Variants in PMM2 observed in about 807,000 individuals in gnomAD.
PMM2 encodes the protein mannose-6-phosphate isomerase.
A neutral mutation model predicts 33.2 loss-of-function variants in PMM2; 35 were observed. The ratio of observed to expected loss-of-function variants is 1.06; its 90% CI spans 0.81 to 1.40. The LOEUF is 1.40. Ranked by LOEUF, PMM2 falls within the 40% of genes most tolerant of loss-of-function variation. The pLI is 0.00. For missense variants in PMM2, 386 were observed against 306.0 expected (o/e 1.26, Z -1.95); for synonymous variants, 153 against 114.7 (o/e 1.33, Z -2.13).
At chr16:8,818,274 C>T (rs985726955) in intron 7 of PMM2, among the ~76,000 whole-genome samples, 6 of 152,314 alleles carry the variant, frequency 3.9e-5, no homozygotes, top group East Asian at 1.9e-4. Context: ...TGCAGAGGCA[C>T]GTTGGGTGGT....
At chr16:8,844,574 G>A (rs867700327) in intron 7 of PMM2, among the ~76,000 whole-genome samples, 11 of 152,174 alleles carry the variant, frequency 7.2e-5, no homozygotes, top group Admixed American at 1.3e-4. Flanking sequence ...TCAGAAAAGC[G>A]GGACTTGCCG....
chr16:8,832,282 T>A (rs1326412239), intron 7 of PMM2: 2 of 985,408 alleles, frequency 2.0e-6, no homozygotes, highest in Middle Eastern at 5.2e-4. Context: ...CTGCGAGCCG[T>A]GCGGCTCTCT....
At chr16:8,842,362 A>G (rs548689580) in intron 7 of PMM2, 4 of 152,382 alleles carry the variant, frequency 2.6e-5, no homozygotes, top group Admixed American at 2.6e-4. Flanking sequence ...GAAGAAGGTC[A>G]TCAATATATT....
chr16:8,816,533 G>A (rs1424849180), intron 7 of PMM2, among the ~76,000 whole-genome samples: 2 of 151,600 alleles, frequency 1.3e-5, no homozygotes, highest in Non-Finnish European at 2.9e-5. Flanking sequence ...CTGAGGTCAG[G>A]AGTTCCGAGA....
intron 7 of PMM2, 139 bp downstream of exon 7, chr16:8,813,245 A>T (rs2060688036): frequency 2.8e-6 from 2 of 723,480 alleles, no homozygotes; most frequent in Non-Finnish European, 5.1e-6. Flanking sequence ...TGTCCTGGAG[A>T]GGTGGGTGAT....
At chr16:8,829,900 C>T (rs1028951830) in intron 7 of PMM2, among the ~76,000 whole-genome samples, 1 of 152,204 alleles carries the variant, frequency 6.6e-6, no homozygotes, top group Non-Finnish European at 1.5e-5. Flanking sequence ...AAGAGTATTC[C>T]TCCAAACAAG....
At chr16:8,812,021 C>T (rs753550888) in intron 6 of PMM2, among the ~76,000 whole-genome samples, 1 of 152,228 alleles carries the variant, frequency 6.6e-6, no homozygotes, top group Non-Finnish European at 1.5e-5. Flanking sequence ...AGAGTAGGAA[C>T]TTCTCACACC....
At chr16:8,836,720 G>A (rs2060850622) in intron 7 of PMM2, among the ~76,000 whole-genome samples, 2 of 152,032 alleles carry the variant, frequency 1.3e-5, no homozygotes, top group African/African-American at 4.8e-5. Flanking sequence ...GTAATAAAAT[G>A]TATATTGAGA....
At chr16:8,847,456 C>T (rs1049079080) in intron 7 of PMM2, among the ~76,000 whole-genome samples, 3 of 151,244 alleles carry the variant, frequency 2.0e-5, no homozygotes, top group Admixed American at 6.6e-5. Context: ...AAGCCTTAGA[C>T]AGATCTTCGC....
chr16:8,831,558 A>G (rs2060809951), intron 7 of PMM2, among the ~76,000 whole-genome samples: 2 of 152,172 alleles, frequency 1.3e-5, no homozygotes, highest in African/African-American at 2.4e-5. Context: ...AGTCCCGACC[A>G]CGAGCTACAG....
At chr16:8,830,914 C>T (rs535619412) in intron 7 of PMM2, among the ~76,000 whole-genome samples, 11 of 152,036 alleles carry the variant, frequency 7.2e-5, no homozygotes, top group African/African-American at 2.4e-4. Context: ...TGAGGCAGGC[C>T]GATCACTTGA....
At position 8,832,787 on chromosome 16, in the gene PMM2, G is replaced by A. The variant is rs113233553; in HGVS notation, c.640-14937G>A. 1,460 of 985,344 alleles carry A rather than the reference G, an allele frequency of 1.5e-3. 11 individuals are homozygous for A. The African/African-American group carries it at 0.021, about 14-fold the overall frequency. 61.0% of individuals were successfully genotyped at this position (985,344 alleles called of 1,614,324 possible). A position where few individuals can be genotyped will look rare whatever the true frequency, so the allele number is the denominator to read the frequency against. ...GTGCTTACCACAATCTGTGAGGCCC[G>A]CTGTGGCCCGGCCCCAGCCCCTGCC... On this transcript the variant is annotated intron_variant, in intron 7 of 7. Transcript: ENST00000268261.
intron 7 of PMM2, among the ~76,000 whole-genome samples, chr16:8,827,890 ATATATATGATATATAT>A (rs2060784808): frequency 2.0e-5 from 1 of 50,552 alleles, no homozygotes; most frequent in Non-Finnish European, 4.1e-5. Flanking sequence ...ATAATATATG[ATATATATGATATATAT>A]TATATATATT....
At chr16:8,824,569 GTTAAACAC>G (rs1393298146) in intron 7 of PMM2, among the ~76,000 whole-genome samples, 1 of 151,982 alleles carries the variant, frequency 6.6e-6, no homozygotes, top group Admixed American at 6.6e-5. Context: ...CCCAAAGAAA[GTTAAACAC>G]TTTTTTATAT....
intron 7 of PMM2, among the ~76,000 whole-genome samples, chr16:8,824,658 C>G (rs1333222114): frequency 6.9e-6 from 1 of 145,186 alleles, no homozygotes; most frequent in Admixed American, 6.9e-5. Flanking sequence ...CTTTAGGGGA[C>G]TTTTTTTTTT....
At chr16:8,820,558 T>A (rs1442649116) in intron 7 of PMM2, among the ~76,000 whole-genome samples, 1 of 152,128 alleles carries the variant, frequency 6.6e-6, no homozygotes, top group Non-Finnish European at 1.5e-5. Flanking sequence ...TTCACCATCT[T>A]GGCCAGGCTG....
At chr16:8,842,726 G>A (rs1428141419) in intron 7 of PMM2, among the ~76,000 whole-genome samples, 1 of 152,224 alleles carries the variant, frequency 6.6e-6, no homozygotes, top group African/African-American at 2.4e-5. Context: ...TTTCTGGACA[G>A]GTAAAATGGG....
intron 2 of PMM2, among the ~76,000 whole-genome samples, chr16:8,803,015 C>T (rs947891066): frequency 2.6e-5 from 4 of 152,102 alleles, no homozygotes. Flanking sequence ...ATTGTAGGGT[C>T]TTTAGCAACA....
In PMM2 at chr16:8,797,925, G is replaced by A. The variant is rs767831048; in HGVS notation, c.43G>A (p.Gly15Arg). 3.1e-6 allele frequency: 5 copies of A among 1,609,748 alleles called. No individual in the cohort carries two copies. In the African/African-American group the frequency reaches 6.7e-5, roughly 21 times the overall value. The change falls in exon 1 of 8, where the codon GGG becomes AGG. Residue 15 changes from glycine (G) to arginine (R), a missense_variant. Physicochemically the swap from Gly to Arg is moderately radical, Grantham distance 125 (BLOSUM62 -2). Coordinates refer to ENST00000268261, the MANE Select transcript of PMM2 (RefSeq NM_000303.3). ...AGCGCTCTGCCTCTTCGACGTGGAT[G>A]GGACCCTCACCGCCCCGCGGCAGGT... ...GPALCLFDVDGTLTAPRQKIT... is the reference protein window; with the variant it reads ...GPALCLFDVDRTLTAPRQKIT...
Sources: allele counts gnomAD v4.1 joint callset (sites outside exome capture counted in the v4.1 genomes callset), GRCh38; gene constraint gnomAD v4.1.1; transcripts MANE v1.5; gene names NCBI Gene and HGNC (gene_info 2026-07-23, HGNC 2026-07-21).